ADAMTS19: variants seen among roughly 807,000 people sequenced by gnomAD.
ADAMTS19 encodes the protein ADAM metallopeptidase with thrombospondin type 1 motif 19.
A neutral mutation model predicts 153.3 loss-of-function variants in ADAMTS19; 93 were observed. That is an observed-to-expected ratio of 0.61 (90% CI 0.51 to 0.72). The LOEUF is 0.72. Ranked by LOEUF, ADAMTS19 falls within the 30% of genes least tolerant of loss-of-function variation. The probability of loss-of-function intolerance (pLI) is 0.00; values close to 1 mark genes in which losing one functional copy is unlikely to be tolerated. For missense variants in ADAMTS19, 1,482 were observed against 1,552.1 expected (o/e 0.95, Z 0.76); for synonymous variants, 600 against 556.6 (o/e 1.08, Z -1.10).
rs116835398 is a variant in ADAMTS19, at chr5:129,605,734, A to T, written c.1478+9070A>T. 4.1e-3 allele frequency among the ~76,000 whole-genome samples: 629 copies of T among 152,284 alleles called. 4 individuals carry two copies. The highest frequency in any genetic ancestry group is 0.015 in the African/African-American group (607 of 41,570). On this transcript the variant is annotated intron_variant, in intron 8 of 22. Coordinates refer to ENST00000274487, the MANE Select transcript of ADAMTS19 (RefSeq NM_133638.6). ...TATGCTTGTAATAGATAGTCAAGAA[A>T]ATAACCAATATAGCCCTAATAGAGT...
At chr5:129,569,880 A>C (rs1319219861) in intron 7 of ADAMTS19, among the ~76,000 whole-genome samples, 3 of 152,022 alleles carry the variant, frequency 2.0e-5, no homozygotes, top group African/African-American at 7.2e-5. Context: ...ATCTCACATC[A>C]ATAATCTAAG....
In ADAMTS19 at chr5:129,542,637, T is replaced by C. The variant is rs550962469; in HGVS notation, c.1329-9227T>C. ...GGAAAAGTTTAGGGTAGGACAGCTA[T>C]AGTGATTGTGTTTTATGAGATAAAA... On this transcript the variant is annotated intron_variant, in intron 6 of 22. Coordinates refer to ENST00000274487, the MANE Select transcript of ADAMTS19 (RefSeq NM_133638.6). Among the ~76,000 whole-genome samples the C allele has an allele frequency of 1.4e-3, 209 of 152,250 alleles. 2 individuals are homozygous for C. Among genetic ancestry groups the C allele is most frequent in the African/African-American group, 4.9e-3 (205 of 41,564 alleles).
rs147557427 is a variant in ADAMTS19 at position 129,461,565 on chromosome 5, G to C, written c.555G>C (p.Leu185=). 1.5e-3 allele frequency: 2,380 copies of C among 1,555,510 alleles called. 17 individuals carry two copies. The African/African-American group carries it at 0.022, about 14-fold the overall frequency. ...IPAFSRDLYL[L]LRRDGRFLAP... ...CCTTCTCTCGGGACCTGTACCTGCT[G>C]CTCCGGAGAGACGGCCGCTTCCTGG... Residue 185 remains leucine, a synonymous_variant, in exon 2 of 23, where the codon CTG becomes CTC. Coordinates refer to ENST00000274487, the MANE Select transcript of ADAMTS19 (RefSeq NM_133638.6). This position sits in a 1 kb window ranked among gnomAD's most constrained non-coding sequence, Gnocchi z 4.6.
chr5:129,497,515 A>G (rs1027983726), intron 2 of ADAMTS19, among the ~76,000 whole-genome samples: 8 of 152,094 alleles, frequency 5.3e-5, no homozygotes, highest in African/African-American at 1.9e-4. Flanking sequence ...TCACAAATAT[A>G]TCAGAGCTGA....
chr5:129,623,363 G>A (rs955217192), intron 10 of ADAMTS19, among the ~76,000 whole-genome samples: 4 of 151,180 alleles, frequency 2.6e-5, no homozygotes, highest in African/African-American at 9.7e-5. Flanking sequence ...ATCTCCTCTC[G>A]CCTCTTCCTA....
chr5:129,562,642 G>GTC (rs1355103361), intron 7 of ADAMTS19, among the ~76,000 whole-genome samples: 6 of 151,800 alleles, frequency 4.0e-5, no homozygotes, highest in African/African-American at 1.5e-4. Flanking sequence ...GTGTGTGCGT[G>GTC]TGTGTGTGTG....
At chr5:129,600,512 T>C (rs918058366) in intron 8 of ADAMTS19, among the ~76,000 whole-genome samples, 11 of 152,136 alleles carry the variant, frequency 7.2e-5, no homozygotes, top group Non-Finnish European at 1.2e-4. Flanking sequence ...AATGAATGTA[T>C]TTATGTTTGT....
rs1445912391 is a variant in ADAMTS19 at position 129,738,201 on chromosome 5, C to T, written c.*983C>T. The T allele has an allele frequency of 6.6e-6, 1 of 151,964 alleles. No homozygotes were observed. Among genetic ancestry groups the T allele is most frequent in the Non-Finnish European group, 1.5e-5 (1 of 67,954 alleles). The allele number at this position is 151,964 out of a possible 1,614,324, so 9.4% of individuals were successfully genotyped here. ...GTGGTCGTTTCATTGTGTTTTTCTT[C>T]CTTTTAAAAATTAAAAAGTTTTACA... is the stretch of plus-strand genomic sequence containing the variant. On this transcript the variant is annotated 3_prime_UTR_variant, in exon 23 of 23. Transcript: ENST00000274487.
intron 6 of ADAMTS19, among the ~76,000 whole-genome samples, chr5:129,546,393 A>T (rs1017879714): frequency 7.3e-5 from 11 of 151,098 alleles, no homozygotes; most frequent in African/African-American, 2.5e-4. Context: ...TAATAAAAAA[A>T]ATTAAAAAAA....
chr5:129,708,003 G>A (rs2127174261), intron 21 of ADAMTS19, among the ~76,000 whole-genome samples: 1 of 152,312 alleles, frequency 6.6e-6, no homozygotes, highest in Admixed American at 6.5e-5. Flanking sequence ...GAGGATGACT[G>A]AAAAGATGGC....
At chr5:129,665,241 T>C (rs2127081639) in intron 15 of ADAMTS19, among the ~76,000 whole-genome samples, 1 of 151,508 alleles carries the variant, frequency 6.6e-6, no homozygotes, top group South Asian at 2.1e-4. Flanking sequence ...ATTCATAAGG[T>C]ATCAATGAGA....
chr5:129,548,521 A>C (rs1752946893), intron 6 of ADAMTS19, among the ~76,000 whole-genome samples: 1 of 151,960 alleles, frequency 6.6e-6, no homozygotes, highest in Non-Finnish European at 1.5e-5. Context: ...AAAAGTCAGG[A>C]AACAACAGGT....
At chr5:129,715,786 T>TAC (rs1756698121) in intron 21 of ADAMTS19, among the ~76,000 whole-genome samples, 1 of 152,174 alleles carries the variant, frequency 6.6e-6, no homozygotes, top group East Asian at 1.9e-4. Context: ...CATCAGATAG[T>TAC]TAAATACTGG....
intron 8 of ADAMTS19, among the ~76,000 whole-genome samples, chr5:129,602,011 G>C (rs192975205): frequency 1.3e-5 from 2 of 152,330 alleles, no homozygotes; most frequent in East Asian, 3.9e-4. Flanking sequence ...CAAGGAGTCA[G>C]GCAAGGACTA....
chr5:129,669,665 T>C (rs1754212852), intron 16 of ADAMTS19, among the ~76,000 whole-genome samples: 1 of 152,126 alleles, frequency 6.6e-6, no homozygotes, highest in Non-Finnish European at 1.5e-5. Context: ...ATTCAGTTTG[T>C]TGTTTTTTTG....
chr5:129,578,784 T>C (rs1201091482), intron 7 of ADAMTS19, among the ~76,000 whole-genome samples: 1 of 152,190 alleles, frequency 6.6e-6, no homozygotes, highest in East Asian at 1.9e-4. Flanking sequence ...TCCTTTTTTA[T>C]GGCTGCATAG....
intron 15 of ADAMTS19, 134 bp downstream of exon 15, chr5:129,658,871 G>T: frequency 2.9e-6 from 3 of 1,018,216 alleles, no homozygotes; most frequent in Admixed American, 3.1e-5. Context: ...TTATTTTTGT[G>T]ATGACATACA....
intron 21 of ADAMTS19, among the ~76,000 whole-genome samples, chr5:129,726,337 A>G (rs1210031352): frequency 6.6e-6 from 1 of 152,192 alleles, no homozygotes; most frequent in Admixed American, 6.5e-5. Flanking sequence ...TCCTTGTAAA[A>G]GAAATTTCAA....
intron 2 of ADAMTS19, among the ~76,000 whole-genome samples, chr5:129,487,162 C>G (rs1416611160): frequency 1.3e-5 from 2 of 152,052 alleles, no homozygotes; most frequent in Non-Finnish European, 2.9e-5. Flanking sequence ...ATAACCTAGT[C>G]TTTTTATTTA....
Sources: allele counts gnomAD v4.1 joint callset (sites outside exome capture counted in the v4.1 genomes callset), GRCh38; gene constraint gnomAD v4.1.1; non-coding constraint Gnocchi (gnomAD v3.1); transcripts MANE v1.5; gene names NCBI Gene and HGNC (gene_info 2026-07-23, HGNC 2026-07-21).